DIP2C: variants seen among roughly 807,000 people sequenced by gnomAD.
DIP2C encodes the protein DIP2 acetate--CoA ligase C (putative).
Under a neutral mutation model 192.4 loss-of-function variants are expected in DIP2C, and 33 were observed. The observed-to-expected ratio is 0.17, with a 90% CI of 0.13 to 0.23. The LOEUF (loss-of-function observed/expected upper bound fraction) is 0.23. Ranked by LOEUF, DIP2C falls within the 10% of genes least tolerant of loss-of-function variation. The pLI is 1.00. For synonymous variants in DIP2C, 979 were observed against 864.1 expected (o/e 1.13, Z -2.33); for missense variants, 1,537 against 2,110.1 (o/e 0.73, Z 5.32).
intron 3 of DIP2C, among the ~76,000 whole-genome samples, chr10:446,022 A>G (rs1220510781): frequency 6.7e-6 from 1 of 150,314 alleles, no homozygotes; most frequent in Non-Finnish European, 1.5e-5. Flanking sequence ...TCTATCTTGC[A>G]CTGGACATCT....
intron 31 of DIP2C, among the ~76,000 whole-genome samples, chr10:318,219 G>A (rs770089299): frequency 1.6e-4 from 24 of 152,208 alleles, no homozygotes; most frequent in Non-Finnish European, 3.1e-4. Flanking sequence ...TGTATCGGGA[G>A]AACTCCTCCA....
intron 24 of DIP2C, among the ~76,000 whole-genome samples, chr10:350,495 C>T (rs1958738224): frequency 6.6e-6 from 1 of 152,004 alleles, no homozygotes; most frequent in Non-Finnish European, 1.5e-5. Context: ...TTAACAACCT[C>T]TTCTTTGTGA....
chr10:685,159 AAAATATATATATATATATATAT>A (rs1831277432), intron 1 of DIP2C, among the ~76,000 whole-genome samples: 4 of 29,418 alleles, frequency 1.4e-4, no homozygotes, highest in Non-Finnish European at 2.7e-4. Flanking sequence ...AAAAAAAAAA[AAAATATATATATATATATATAT>A]ATATACATAT....
intron 31 of DIP2C, 50 bp downstream of exon 31, chr10:326,955 AC>A: frequency 6.3e-7 from 1 of 1,575,048 alleles, no homozygotes. Flanking sequence ...TGCTGTACCC[AC>A]CCCGGGAGCC....
chr10:311,073 C>A (rs1956545899), intron 31 of DIP2C, among the ~76,000 whole-genome samples: 1 of 151,948 alleles, frequency 6.6e-6, no homozygotes, highest in African/African-American at 2.4e-5. Flanking sequence ...ACTCAATAAC[C>A]CTGGGCCCTG....
At chr10:527,329 A>G (rs1276351772) in intron 1 of DIP2C, among the ~76,000 whole-genome samples, 2 of 152,280 alleles carry the variant, frequency 1.3e-5, no homozygotes, top group East Asian at 3.9e-4. Flanking sequence ...TCTGCTCCAC[A>G]CACCTCAGCA....
chr10:484,169 A>AC (rs949949580), intron 2 of DIP2C, among the ~76,000 whole-genome samples: 1 of 152,110 alleles, frequency 6.6e-6, no homozygotes, highest in African/African-American at 2.4e-5. Context: ...TAAAACTTCC[A>AC]CCTGCATATG....
chr10:369,561 A>G lies in DIP2C; in HGVS notation c.2064T>C (p.Ile688=), dbSNP rs759002256. The change falls in exon 18 of 37, where the codon ATT becomes ATC. Residue 688 remains isoleucine, a synonymous_variant. Transcript: ENST00000280886. ...ACAGCTTCTCTTCCGAGTCCACACG[A>G]ATGACCCCATAGGTCAGTCCATGCA... ...LSMHGLTYGV[I]RVDSEEKLSV... The G allele has an allele frequency of 3.7e-6, 6 of 1,602,860 alleles. No homozygotes were observed. The highest frequency in any genetic ancestry group is 1.3e-5 in the African/African-American group (1 of 74,802).
In DIP2C at chr10:634,030, C is replaced by T. The variant is rs553518509; in HGVS notation, c.85+55464G>A. Among the ~76,000 whole-genome samples, 11 of 152,350 alleles carry T rather than the reference C, an allele frequency of 7.2e-5. No homozygotes were observed. In the South Asian group the frequency reaches 2.1e-3, roughly 29 times the overall value. On this transcript the variant is annotated intron_variant, in intron 1 of 36. Transcript: ENST00000280886. ...TGTTGTCCCCCTCCAGCAGGCTGGCCGCCTTCCAGAAAGCAGTCCTGGACA... is the reference window on the plus strand; with the variant it reads ...TGTTGTCCCCCTCCAGCAGGCTGGCTGCCTTCCAGAAAGCAGTCCTGGACA...
intron 1 of DIP2C, among the ~76,000 whole-genome samples, chr10:633,653 GT>G (rs1854661172): frequency 6.6e-6 from 1 of 152,238 alleles, no homozygotes; most frequent in Non-Finnish European, 1.5e-5. Context: ...TGCAAAGATT[GT>G]TTTTAAAACT....
intron 1 of DIP2C, among the ~76,000 whole-genome samples, chr10:631,928 TC>T (rs1854542578): frequency 6.6e-6 from 1 of 152,254 alleles, no homozygotes; most frequent in African/African-American, 2.4e-5. Flanking sequence ...AAATAAATAG[TC>T]AATGTTCTGT....
At chr10:515,931 A>G (rs552943196) in intron 1 of DIP2C, among the ~76,000 whole-genome samples, 1 of 152,074 alleles carries the variant, frequency 6.6e-6, no homozygotes, top group Non-Finnish European at 1.5e-5. Context: ...AGCAAGATTA[A>G]CAGGCCACAC....
intron 29 of DIP2C, among the ~76,000 whole-genome samples, chr10:330,720 CCT>C (rs1957467854): frequency 6.6e-6 from 1 of 150,908 alleles, no homozygotes; most frequent in Non-Finnish European, 1.5e-5. Context: ...CTCAAGCAAT[CCT>C]CTCTTGTTCC....
intron 1 of DIP2C, among the ~76,000 whole-genome samples, chr10:685,161 A>AATATAT (rs1222919501): frequency 3.1e-5 from 1 of 31,806 alleles, no homozygotes; most frequent in African/African-American, 1.0e-4. Flanking sequence ...AAAAAAAAAA[A>AATATAT]ATATATATAT....
chr10:411,134 G>A (rs1357051030), intron 8 of DIP2C, among the ~76,000 whole-genome samples: 2 of 152,188 alleles, frequency 1.3e-5, no homozygotes, highest in African/African-American at 2.4e-5. Flanking sequence ...GTGGCCCAGC[G>A]TGCTGCTAGC....
At chr10:515,689 A>T (rs1230733440) in intron 1 of DIP2C, among the ~76,000 whole-genome samples, 1 of 151,646 alleles carries the variant, frequency 6.6e-6, no homozygotes, top group African/African-American at 2.4e-5. Flanking sequence ...GCATCACTGC[A>T]CTCCAGCCTG....
At chr10:582,893 AGAAG>A (rs1169632638) in intron 1 of DIP2C, among the ~76,000 whole-genome samples, 5 of 152,246 alleles carry the variant, frequency 3.3e-5, no homozygotes, top group Middle Eastern at 3.2e-3. Flanking sequence ...TCAAAACAAT[AGAAG>A]GAAGGTACCA....
intron 1 of DIP2C, among the ~76,000 whole-genome samples, chr10:685,135 CAAAAAAA>C (rs140709069): frequency 1.1e-4 from 8 of 72,956 alleles, no homozygotes; most frequent in African/African-American, 5.8e-4. Context: ...ACTTGGTCCC[CAAAAAAA>C]AAAAAAAAAA....
chr10:377,986 A>G (rs1205880238), intron 17 of DIP2C, among the ~76,000 whole-genome samples: 5 of 152,214 alleles, frequency 3.3e-5, no homozygotes, highest in South Asian at 2.1e-4. Flanking sequence ...AAGAAAATCA[A>G]GTCTATCATC....
Sources: gnomAD v4.1 joint callset for allele counts (sites outside exome capture counted in the v4.1 genomes callset) on GRCh38, gnomAD v4.1.1 for gene constraint, MANE v1.5 for transcripts, NCBI Gene and HGNC (gene_info 2026-07-23, HGNC 2026-07-21) for gene names.